DAZAP1: variants seen among roughly 807,000 people sequenced by gnomAD.
DAZAP1 encodes the protein DAZ associated protein 1, also known as DAZ-associated protein 1.
A neutral mutation model predicts 60.1 loss-of-function variants in DAZAP1; 6 were observed. That is an observed-to-expected ratio of 0.10 (90% CI 0.05 to 0.20). The LOEUF is 0.20. Among genes scored for constraint, DAZAP1 ranks in the 10% least tolerant of loss-of-function variants. The probability of loss-of-function intolerance (pLI) is 1.00; values close to 1 mark genes in which losing one functional copy is unlikely to be tolerated. For synonymous variants in DAZAP1, 235 were observed against 215.9 expected, an observed-to-expected ratio of 1.09 and a Z score of -0.78; for missense variants, 366 against 560.4, an observed-to-expected ratio of 0.65 and a Z score of 3.50.
At position 1,411,835 on chromosome 19, in the gene DAZAP1, C is replaced by T. The variant is rs574562838; in HGVS notation, c.29+4033C>T. Among the ~76,000 whole-genome samples the T allele has an allele frequency of 1.1e-4, 17 of 152,344 alleles. 1 individual carries two copies. The South Asian group carries it at 1.9e-3, about 17-fold the overall frequency. Reference sequence around the variant, plus strand: ...CGCACAGAGGGCGCTCCTGGTCAGGCGGCTATGTTCATGGTGCGACCCGTC... The same window carrying T: ...CGCACAGAGGGCGCTCCTGGTCAGGTGGCTATGTTCATGGTGCGACCCGTC... On this transcript the variant is annotated intron_variant, in intron 1 of 11. Coordinates refer to ENST00000233078, the MANE Select transcript of DAZAP1 (RefSeq NM_018959.4).
At chr19:1,415,642 G>T (rs78275703) in intron 1 of DAZAP1, 1 of 151,828 alleles carries the variant, frequency 6.6e-6, no homozygotes, top group Non-Finnish European at 1.5e-5. Context: ...CGGAGGCCTC[G>T]CTCCTCCCAC....
In DAZAP1 at chr19:1,425,655, A is replaced by C. The variant is rs1038576770; in HGVS notation, c.464-223A>C. ...AGGCTTGACTCAGGCCTCAGTCAGC[A>C]GAGCCGTCACCGGGAGTGCGGACGT... On this transcript the variant is annotated intron_variant, in intron 6 of 11. Transcript: ENST00000233078. The surrounding 1 kb of genome is among the most constrained non-coding windows in gnomAD (Gnocchi z 5.4). Among the ~76,000 whole-genome samples, 1 of 152,208 alleles carries C rather than the reference A, an allele frequency of 6.6e-6. No homozygotes were observed. The highest frequency in any genetic ancestry group is 6.5e-5 in the Admixed American group (1 of 15,290).
chr19:1,424,432 C>T (rs892133154), intron 6 of DAZAP1, among the ~76,000 whole-genome samples: 3 of 148,838 alleles, frequency 2.0e-5, no homozygotes, highest in Admixed American at 1.3e-4. Flanking sequence ...GTGCTCAGGA[C>T]GGTGGGAGGC....
chr19:1,413,883 C>G (rs569090626), intron 1 of DAZAP1, among the ~76,000 whole-genome samples: 1 of 152,232 alleles, frequency 6.6e-6, no homozygotes, highest in South Asian at 2.1e-4. Context: ...TTCTGACTTA[C>G]AGGAAAATTA....
At position 1,430,375 on chromosome 19, in the gene DAZAP1, G is replaced by A. The variant is rs776052349; in HGVS notation, c.871+13G>A. On this transcript the variant is annotated intron_variant, in intron 10 of 11. Coordinates refer to ENST00000233078, the MANE Select transcript of DAZAP1 (RefSeq NM_018959.4). Reference sequence around the variant, plus strand: ...CCGCCACAGTTCAGTAAGTCTAGGGGGCCTTGTGGGAGGGCCTCCCGCCTG... The same window carrying A: ...CCGCCACAGTTCAGTAAGTCTAGGGAGCCTTGTGGGAGGGCCTCCCGCCTG... 2.5e-5 allele frequency: 37 copies of A among 1,485,950 alleles called. No homozygotes were observed. Among genetic ancestry groups the A allele is most frequent in the Non-Finnish European group, 8.9e-6 (10 of 1,121,540 alleles). The allele number at this position is 1,485,950 out of a possible 1,614,324, so 92.0% of individuals were successfully genotyped here.
chr19:1,413,577 G>T (rs745457481), intron 1 of DAZAP1, among the ~76,000 whole-genome samples: 5 of 152,338 alleles, frequency 3.3e-5, no homozygotes, highest in Admixed American at 2.6e-4. Context: ...CTCCTGAGTG[G>T]TAGTAAAAGA....
At chr19:1,408,639 C>T (rs2082735517) in intron 1 of DAZAP1, among the ~76,000 whole-genome samples, 1 of 152,218 alleles carries the variant, frequency 6.6e-6, no homozygotes, top group South Asian at 2.1e-4. Context: ...GGCGCCTCCC[C>T]GCCGGGGGTG....
intron 1 of DAZAP1, among the ~76,000 whole-genome samples, chr19:1,408,165 G>T (rs867336955): frequency 5.9e-5 from 9 of 152,054 alleles, no homozygotes; most frequent in Middle Eastern, 6.8e-3. Context: ...CCGACTGCGC[G>T]TCCTGAGGGA....
chr19:1,418,348 C>G lies in DAZAP1; in HGVS notation c.215C>G (p.Pro72Arg). ...GTGGGGACGGTGCTGGCCAGCAGAC[C>G]GCACACGCTAGATGGCCGAAACGTA... ...NCVGTVLASR[P>R]HTLDGRNIDP... The change falls in exon 3 of 12, where the codon CCG becomes CGG. Residue 72 changes from proline to arginine, a missense_variant. Physicochemically the swap from Pro to Arg is moderately radical, Grantham distance 103 (BLOSUM62 -2). Coordinates refer to ENST00000233078, the MANE Select transcript of DAZAP1 (RefSeq NM_018959.4). The surrounding 1 kb of genome is among the most constrained non-coding windows in gnomAD (Gnocchi z 5.7). 7 of 1,613,976 alleles carry G rather than the reference C, an allele frequency of 4.3e-6. No homozygotes were observed. Among genetic ancestry groups the G allele is most frequent in the Non-Finnish European group, 5.9e-6 (7 of 1,179,954 alleles).
Position 1,422,676 on chromosome 19 carries a change from C to G in DAZAP1, c.463+280C>G, listed in dbSNP as rs190458910. ...GGCCTGGCTTCTGTTTTTCACTGTC[C>G]GGAAGAGTGTGGTCCTTCTGCATTT... On this transcript the variant is annotated intron_variant, in intron 6 of 11. Transcript: ENST00000233078. This position sits in a 1 kb window ranked among gnomAD's most constrained non-coding sequence, Gnocchi z 4.5. 6.6e-6 allele frequency among the ~76,000 whole-genome samples: 1 copy of G among 152,074 alleles called. No homozygotes were observed.
At position 1,416,182 on chromosome 19, in the gene DAZAP1, G is replaced by C. The variant is rs900218916; in HGVS notation, c.30-1318G>C. 2.6e-5 allele frequency: 4 copies of C among 152,264 alleles called. No homozygotes were observed. Among genetic ancestry groups the C allele is most frequent in the African/African-American group, 9.6e-5 (4 of 41,454 alleles). The allele number at this position is 152,264 out of a possible 1,614,324, so 9.4% of individuals were successfully genotyped here. On this transcript the variant is annotated intron_variant, in intron 1 of 11. Coordinates refer to ENST00000233078, the MANE Select transcript of DAZAP1 (RefSeq NM_018959.4). The surrounding 1 kb of genome is among the most constrained non-coding windows in gnomAD (Gnocchi z 4.3). ...GAGCAGGGAGGAGCACGTTGCTCCT[G>C]CTGCTGGTGGGGCAGTAACGTGTTC...
chr19:1,414,993 G>A (rs939026689), intron 1 of DAZAP1, among the ~76,000 whole-genome samples: 7 of 151,650 alleles, frequency 4.6e-5, no homozygotes, highest in African/African-American at 1.5e-4. Context: ...GTCTCGTTAC[G>A]TTGCCCAGGC....
intron 1 of DAZAP1, among the ~76,000 whole-genome samples, chr19:1,415,351 T>TTGTGTGTGTGTGTG (rs777866840): frequency 1.4e-5 from 1 of 69,942 alleles, no homozygotes; most frequent in Non-Finnish European, 3.5e-5. Flanking sequence ...TTTCAGGGTT[T>TTGTGTGTGTGTGTG]TATGTGTGTG....
intron 1 of DAZAP1, among the ~76,000 whole-genome samples, chr19:1,409,039 A>G (rs959800225): frequency 1.3e-5 from 2 of 152,164 alleles, no homozygotes; most frequent in African/African-American, 4.8e-5. Context: ...ACACTTGTGG[A>G]TGGGAAATGC....
chr19:1,421,762 C>T (rs1256203022), intron 5 of DAZAP1, among the ~76,000 whole-genome samples: 1 of 152,202 alleles, frequency 6.6e-6, no homozygotes, highest in Non-Finnish European at 1.5e-5. Context: ...GGACTCCTGC[C>T]GTGCCCCGCA....
Position 1,434,934 on chromosome 19 carries a change from C to T in DAZAP1, c.*22C>T, listed in dbSNP as rs2083559676. The T allele has an allele frequency of 7.1e-7, 1 of 1,405,574 alleles. No homozygotes were observed. Among genetic ancestry groups the T allele is most frequent in the African/African-American group, 1.5e-5 (1 of 65,428 alleles). The allele number at this position is 1,405,574 out of a possible 1,614,324, so 87.1% of individuals were successfully genotyped here. ...CTAGCCCGCGGCGCCGCGACGTCTG[C>T]ACGGCCCAGACCCAGGATTCCAAAC... On this transcript the variant is annotated 3_prime_UTR_variant, in exon 12 of 12. Transcript: ENST00000233078. This position sits in a 1 kb window ranked among gnomAD's most constrained non-coding sequence, Gnocchi z 8.0.
intron 1 of DAZAP1, chr19:1,409,748 C>G (rs115980197): frequency 6.6e-6 from 1 of 152,368 alleles, no homozygotes; most frequent in Non-Finnish European, 1.5e-5. Flanking sequence ...CCTGCAGGTG[C>G]GGTGGGTGCC....
chr19:1,421,573 G>C (rs1161511814), intron 5 of DAZAP1, among the ~76,000 whole-genome samples: 1 of 152,274 alleles, frequency 6.6e-6, no homozygotes, highest in Admixed American at 6.5e-5. Context: ...CAGAAACGGG[G>C]TTCAGTGTGG....
At chr19:1,411,663 C>T (rs1201114426) in intron 1 of DAZAP1, among the ~76,000 whole-genome samples, 2 of 152,230 alleles carry the variant, frequency 1.3e-5, no homozygotes, top group East Asian at 1.9e-4. Context: ...CAGCGCGCAG[C>T]GTGCCCAGCT....
Sources: allele counts gnomAD v4.1 joint callset (sites outside exome capture counted in the v4.1 genomes callset), GRCh38; gene constraint gnomAD v4.1.1; non-coding constraint Gnocchi (gnomAD v3.1); transcripts MANE v1.5; gene names NCBI Gene and HGNC (gene_info 2026-07-23, HGNC 2026-07-21).